Variants in CSMD1 observed in about 807,000 individuals in gnomAD.
CSMD1 encodes CUB and sushi domain-containing protein 1.
A neutral mutation model predicts 417.5 loss-of-function variants in CSMD1; 213 were observed. The observed-to-expected ratio is 0.51, with a 90% CI of 0.46 to 0.57. The LOEUF is 0.57. Among genes scored for constraint, CSMD1 ranks in the 20% least tolerant of loss-of-function variants. CSMD1 has a pLI of 0.00. For missense variants in CSMD1, 6,923 were observed against 4,529.7 expected (o/e 1.53, Z -15.17); for synonymous variants, 2,862 against 1,736.8 (o/e 1.65, Z -16.11).
chr8:3,139,575 G>A (rs760187517), intron 41 of CSMD1, among the ~76,000 whole-genome samples: 7 of 152,182 alleles, frequency 4.6e-5, no homozygotes, highest in Non-Finnish European at 2.9e-5. Flanking sequence ...ATAGATAGGA[G>A]AAGTGAAAAA....
rs529543224 is a variant in CSMD1, at chr8:4,130,493, G to C, written c.416-98394C>G. 2.0e-3 allele frequency among the ~76,000 whole-genome samples: 301 copies of C among 152,272 alleles called. 2 individuals carry two copies. The highest frequency in any genetic ancestry group is 6.8e-3 in the African/African-American group (281 of 41,564). On this transcript the variant is annotated intron_variant, in intron 3 of 69. Coordinates refer to ENST00000635120, the MANE Select transcript of CSMD1 (RefSeq NM_033225.6). ...AGCTTTTGAGTGTACCCTGAGGCGA[G>C]TTGATTTGATTCTTGGCTTTCTGAA...
At chr8:4,195,467 G>C (rs997030490) in intron 3 of CSMD1, among the ~76,000 whole-genome samples, 1 of 152,180 alleles carries the variant, frequency 6.6e-6, no homozygotes, top group African/African-American at 2.4e-5. Context: ...CAGCCTTAAT[G>C]TGCTCCTCGT....
At chr8:4,128,549 G>C (rs973757126) in intron 3 of CSMD1, among the ~76,000 whole-genome samples, 1 of 152,102 alleles carries the variant, frequency 6.6e-6, no homozygotes, top group Admixed American at 6.5e-5. Flanking sequence ...TATTTTTACA[G>C]ATAACACATC....
intron 26 of CSMD1, among the ~76,000 whole-genome samples, chr8:3,250,635 C>T (rs983850436): frequency 6.6e-6 from 1 of 152,248 alleles, no homozygotes; most frequent in Non-Finnish European, 1.5e-5. Flanking sequence ...AATCGCCACA[C>T]TGTCTTCCAC....
intron 3 of CSMD1, among the ~76,000 whole-genome samples, chr8:4,284,555 C>T (rs769685511): frequency 3.3e-5 from 5 of 152,110 alleles, no homozygotes; most frequent in Non-Finnish European, 7.3e-5. Flanking sequence ...ATATGCCAGC[C>T]CCAACGTTTA....
chr8:4,507,033 C>T (rs1802561108), intron 2 of CSMD1, among the ~76,000 whole-genome samples: 1 of 151,964 alleles, frequency 6.6e-6, no homozygotes, highest in Admixed American at 6.6e-5. Flanking sequence ...TTCAAAATTC[C>T]TTGCCTTTTC....
intron 5 of CSMD1, among the ~76,000 whole-genome samples, chr8:3,889,493 A>ATATAT (rs1491523329): frequency 1.0e-3 from 45 of 44,370 alleles, no homozygotes; most frequent in South Asian, 1.9e-3. Context: ...ATATATATAT[A>ATATAT]AAATATGCTC....
At chr8:4,281,696 T>C (rs1189437505) in intron 3 of CSMD1, among the ~76,000 whole-genome samples, 1 of 152,218 alleles carries the variant, frequency 6.6e-6, no homozygotes, top group African/African-American at 2.4e-5. Context: ...AACATATACA[T>C]ACAAGTCATT....
intron 7 of CSMD1, among the ~76,000 whole-genome samples, chr8:3,650,942 T>G (rs1445882767): frequency 6.6e-6 from 1 of 152,206 alleles, no homozygotes; most frequent in Non-Finnish European, 1.5e-5. Context: ...CTTGCAAGCC[T>G]GCTTCGCCCA....
chr8:3,333,046 C>T (rs904909569), intron 23 of CSMD1, among the ~76,000 whole-genome samples: 3 of 152,182 alleles, frequency 2.0e-5, no homozygotes, highest in Non-Finnish European at 4.4e-5. Context: ...CCAGCAAGGA[C>T]ACGCCCTGCC....
chr8:3,774,587 C>T (rs1798799102), intron 5 of CSMD1, among the ~76,000 whole-genome samples: 1 of 152,160 alleles, frequency 6.6e-6, no homozygotes, highest in African/African-American at 2.4e-5. Context: ...CTGCTTTTCT[C>T]TGTTAATCTT....
rs118163097 is a variant in CSMD1, at chr8:4,189,647, T to C, written c.416-157548A>G. ...CCTAGCAAAGACCCTTCTACTGATG[T>C]TCTAAACCCTTATTTATCATGGAAT... On this transcript the variant is annotated intron_variant, in intron 3 of 69. Coordinates refer to ENST00000635120, the MANE Select transcript of CSMD1 (RefSeq NM_033225.6). Among the ~76,000 whole-genome samples the C allele has an allele frequency of 1.6e-3, 239 of 152,306 alleles. 1 individual carries two copies. The South Asian group carries it at 0.02, about 13-fold the overall frequency.
chr8:3,589,876 C>T (rs964015023), intron 8 of CSMD1, among the ~76,000 whole-genome samples: 5 of 152,044 alleles, frequency 3.3e-5, no homozygotes, highest in East Asian at 1.9e-4. Flanking sequence ...CAGTTTTTCT[C>T]AATTTTAGAA....
chr8:3,851,576 G>C (rs1332504835), intron 5 of CSMD1, among the ~76,000 whole-genome samples: 1 of 152,190 alleles, frequency 6.6e-6, no homozygotes, highest in African/African-American at 2.4e-5. Flanking sequence ...CCCTGCTGCA[G>C]GCCAAGGGAG....
chr8:4,105,123 G>A (rs925030726), intron 3 of CSMD1, among the ~76,000 whole-genome samples: 2 of 152,150 alleles, frequency 1.3e-5, no homozygotes, highest in African/African-American at 2.4e-5. Context: ...CTCCCTACAT[G>A]TAATACACAA....
At chr8:3,763,828 G>A (rs1584960651) in intron 5 of CSMD1, among the ~76,000 whole-genome samples, 1 of 152,270 alleles carries the variant, frequency 6.6e-6, no homozygotes, top group Non-Finnish European at 1.5e-5. Context: ...ACATAATCCT[G>A]AGGACACTAT....
intron 3 of CSMD1, among the ~76,000 whole-genome samples, chr8:4,309,709 T>C (rs2128878057): frequency 6.6e-6 from 1 of 152,276 alleles, no homozygotes; most frequent in East Asian, 1.9e-4. Flanking sequence ...CTAGGGATTG[T>C]AACATACACA....
chr8:4,122,982 G>C (rs1802570499), intron 3 of CSMD1, among the ~76,000 whole-genome samples: 1 of 152,196 alleles, frequency 6.6e-6, no homozygotes, highest in Admixed American at 6.5e-5. Context: ...GGTGATAATT[G>C]GCAAAGACGT....
rs1022369470 is a variant in CSMD1, at chr8:3,998,218, C to G, written c.611-108G>C. On this transcript the variant is annotated intron_variant, in intron 4 of 69. Transcript: ENST00000635120. ...ATCAGCGACAAATATTTTCTGAACCCAAAATTGAGACACTCAATCTGAAAA... is the reference window on the plus strand; with the variant it reads ...ATCAGCGACAAATATTTTCTGAACCGAAAATTGAGACACTCAATCTGAAAA... The G allele has an allele frequency of 3.3e-6, 3 of 916,204 alleles. No individual in the cohort carries two copies. In the African/African-American group the frequency reaches 5.1e-5, roughly 15 times the overall value. 56.8% of individuals were successfully genotyped at this position (916,204 alleles called of 1,614,324 possible). A position where few individuals can be genotyped will look rare whatever the true frequency, so the allele number is the denominator to read the frequency against.
Sources: allele counts gnomAD v4.1 joint callset (sites outside exome capture counted in the v4.1 genomes callset), GRCh38; gene constraint gnomAD v4.1.1; transcripts MANE v1.5; gene names NCBI Gene and HGNC (gene_info 2026-07-23, HGNC 2026-07-21).